The following ANKRD62 variants were observed in gnomAD, a reference collection of about 807,000 sequenced individuals.
The protein encoded by ANKRD62 is ankyrin repeat domain 62.
A neutral mutation model predicts 98.8 loss-of-function variants in ANKRD62; 61 were observed. The observed-to-expected ratio is 0.62, with a 90% CI of 0.50 to 0.76. ANKRD62 has a LOEUF of 0.76. Among genes scored for constraint, ANKRD62 ranks in the 30% least tolerant of loss-of-function variants. ANKRD62 has a pLI of 0.00. For synonymous variants in ANKRD62, 341 were observed against 367.9 expected, an observed-to-expected ratio of 0.93 and a Z score of 0.84; for missense variants, 933 against 1,082.9, an observed-to-expected ratio of 0.86 and a Z score of 1.94.
At position 12,115,522 on chromosome 18, in the gene ANKRD62, A is replaced by T; in HGVS notation, c.1228A>T (p.Met410Leu). 6.5e-7 allele frequency: 1 copy of T among 1,536,384 alleles called. No homozygotes were observed. The highest frequency in any genetic ancestry group is 1.2e-5 in the South Asian group (1 of 83,734). The change falls in exon 10 of 14, where the codon ATG becomes TTG. Residue 410 changes from methionine (M) to leucine (L), a missense_variant. Met to Leu is a conservative substitution (Grantham distance 15). This residue lies in a region of ANKRD62 where 549 missense variants were observed against 587.9 expected (regional missense o/e 0.93). Transcript: ENST00000587848. ...TATGTTACTCATTGAACAAAGTGGAATGGAGTGTAAAGGTAGGACCAATGC... is the reference window on the plus strand; with the variant it reads ...TATGTTACTCATTGAACAAAGTGGATTGGAGTGTAAAGGTAGGACCAATGC... ...NFMLLIEQSG[M>L]ECKDFVSLSK...
chr18:12,150,138 A>G, the ANKRD62 span, among the ~76,000 whole-genome samples: 10 of 152,264 alleles, frequency 6.6e-5, no homozygotes, highest in African/African-American at 2.4e-4. Flanking sequence ...GAGTAACACA[A>G]TACAAGAATT....
chr18:12,095,266 A>G lies in ANKRD62; in HGVS notation c.314A>G (p.Asn105Ser), dbSNP rs1909156418. The G allele has an allele frequency of 6.5e-7, 1 of 1,539,970 alleles. No homozygotes were observed. Among genetic ancestry groups the G allele is most frequent in the South Asian group, 1.2e-5 (1 of 84,064 alleles). The change falls in exon 2 of 14, where the codon AAC becomes AGC. Residue 105 changes from asparagine to serine, a missense_variant. Asn to Ser is a conservative substitution (Grantham distance 46). Coordinates refer to ENST00000587848, the MANE Select transcript of ANKRD62 (RefSeq NM_001277333.2). ...CAGCTTAACCTCACTGACAGTGAAA[A>G]CAGGACAGCTCTGATCAAGGTATAT... is the stretch of plus-strand genomic sequence containing the variant. ...KCQLNLTDSENRTALIKAVQC... is the reference protein window; with the variant it reads ...KCQLNLTDSESRTALIKAVQC...
the ANKRD62 span, among the ~76,000 whole-genome samples, chr18:12,140,842 C>T: frequency 2.0e-5 from 3 of 152,340 alleles, no homozygotes; most frequent in South Asian, 6.2e-4. Flanking sequence ...TCTCAAATCT[C>T]AAGCTGCCTG....
downstream of ANKRD62, among the ~76,000 whole-genome samples, chr18:12,132,177 A>G (rs1267397993): frequency 6.6e-6 from 1 of 152,092 alleles, no homozygotes; most frequent in Non-Finnish European, 1.5e-5. Context: ...TTTATATTTT[A>G]ATGCTATTAT....
At chr18:12,173,116 G>A in the ANKRD62 span, among the ~76,000 whole-genome samples, 14 of 151,822 alleles carry the variant, frequency 9.2e-5, no homozygotes, top group East Asian at 1.9e-4. Context: ...CCCACTGTCC[G>A]ACAAGCCCCA....
At chr18:12,150,301 C>G in the ANKRD62 span, among the ~76,000 whole-genome samples, 1 of 152,072 alleles carries the variant, frequency 6.6e-6, no homozygotes, top group Non-Finnish European at 1.5e-5. Flanking sequence ...AAGTATGGGA[C>G]TATATAAAGA....
At chr18:12,145,670 T>A in the ANKRD62 span, among the ~76,000 whole-genome samples, 1 of 152,124 alleles carries the variant, frequency 6.6e-6, no homozygotes, top group Admixed American at 6.5e-5. Flanking sequence ...CAGATTTGAC[T>A]CCTCCCTAGG....
downstream of ANKRD62, among the ~76,000 whole-genome samples, chr18:12,132,601 T>C (rs182201112): frequency 2.0e-5 from 3 of 152,240 alleles, no homozygotes; most frequent in Non-Finnish European, 4.4e-5. Flanking sequence ...ACATAGAATG[T>C]TAGCATTAGG....
At chr18:12,168,719 C>T in the ANKRD62 span, among the ~76,000 whole-genome samples, 1 of 152,000 alleles carries the variant, frequency 6.6e-6, no homozygotes, top group Middle Eastern at 3.2e-3. Flanking sequence ...TATAAATTAC[C>T]TTGGGCAGTA....
At chr18:12,138,395 A>G in the ANKRD62 span, among the ~76,000 whole-genome samples, 1 of 152,198 alleles carries the variant, frequency 6.6e-6, no homozygotes, top group Non-Finnish European at 1.5e-5. Flanking sequence ...GTTTGATTGC[A>G]CTGTGGTCTG....
the ANKRD62 span, among the ~76,000 whole-genome samples, chr18:12,170,958 C>CTTT: frequency 1.5e-5 from 2 of 137,026 alleles, no homozygotes; most frequent in East Asian, 2.1e-4. Context: ...GCAACCCCTG[C>CTTT]TTTTTTTTTT....
chr18:12,169,606 T>C, the ANKRD62 span, among the ~76,000 whole-genome samples: 5 of 152,338 alleles, frequency 3.3e-5, no homozygotes, highest in African/African-American at 1.2e-4. Flanking sequence ...TTTTTTGTTG[T>C]GTCTCTGCCA....
the ANKRD62 span, among the ~76,000 whole-genome samples, chr18:12,139,920 G>A: frequency 1.2e-4 from 19 of 152,082 alleles, no homozygotes; most frequent in Admixed American, 2.0e-4. Flanking sequence ...GAAGTTCTCC[G>A]GGATAATATC....
chr18:12,093,940 C>G lies in ANKRD62; in HGVS notation c.-78C>G. On this transcript the variant is annotated 5_prime_UTR_variant, in exon 1 of 14. Coordinates refer to ENST00000587848, the MANE Select transcript of ANKRD62 (RefSeq NM_001277333.2). Reference sequence around the variant, plus strand: ...CTGGTTACGTGCTGGTGCTGCGCTCCAGAGAGGCAGAAAACGAGTGGGAGC... The same window carrying G: ...CTGGTTACGTGCTGGTGCTGCGCTCGAGAGAGGCAGAAAACGAGTGGGAGC... 2 of 1,419,104 alleles carry G rather than the reference C, an allele frequency of 1.4e-6. No individual in the cohort carries two copies. Among genetic ancestry groups the G allele is most frequent in the South Asian group, 2.5e-5 (2 of 80,268 alleles). The allele number at this position is 1,419,104 out of a possible 1,614,324, so 87.9% of individuals were successfully genotyped here.
chr18:12,099,018 CTG>C (rs1909243930), intron 5 of ANKRD62, among the ~76,000 whole-genome samples: 1 of 152,158 alleles, frequency 6.6e-6, no homozygotes. Flanking sequence ...TAGTTACAAA[CTG>C]TGAAATAGTT....
intron 8 of ANKRD62, among the ~76,000 whole-genome samples, chr18:12,109,971 A>AAAAC (rs1173477263): frequency 2.1e-3 from 296 of 137,824 alleles, no homozygotes; most frequent in Non-Finnish European, 3.9e-3. Context: ...AAAAAAAAAA[A>AAAAC]CAGACAGACA....
intron 6 of ANKRD62, chr18:12,102,181 G>A (rs1909313916): frequency 1.1e-6 from 1 of 901,874 alleles, no homozygotes; most frequent in Non-Finnish European, 1.9e-6. Flanking sequence ...AGTGAGGGTT[G>A]CAGCAAGGAG....
the ANKRD62 span, among the ~76,000 whole-genome samples, chr18:12,174,410 T>A: frequency 2.0e-5 from 3 of 152,232 alleles, no homozygotes; most frequent in Admixed American, 2.0e-4. Flanking sequence ...TGTTTTATTG[T>A]GATCCCTAGA....
chr18:12,119,861 T>C (rs1329932716), intron 10 of ANKRD62, among the ~76,000 whole-genome samples: 1 of 152,152 alleles, frequency 6.6e-6, no homozygotes, highest in Non-Finnish European at 1.5e-5. Context: ...TAAGTGCAGT[T>C]GTTGCTGCAT....
Sources: allele counts gnomAD v4.1 joint callset (sites outside exome capture counted in the v4.1 genomes callset), GRCh38; gene constraint gnomAD v4.1.1; regional missense constraint gnomAD v4.1.1; transcripts MANE v1.5; gene names NCBI Gene and HGNC (gene_info 2026-07-23, HGNC 2026-07-21).